The following SORCS1 variants were observed in gnomAD, a reference collection of about 807,000 sequenced individuals.
SORCS1 encodes VPS10 domain-containing receptor SorCS1.
A neutral mutation model predicts 146.1 loss-of-function variants in SORCS1; 60 were observed. That is an observed-to-expected ratio of 0.41 (90% CI 0.33 to 0.51). SORCS1 has a LOEUF of 0.51. Among genes scored for constraint, SORCS1 ranks in the 20% least tolerant of loss-of-function variants. The pLI is 0.21. For synonymous variants in SORCS1, 637 were observed against 584.0 expected (o/e 1.09, Z -1.31); for missense variants, 1,352 against 1,487.6 (o/e 0.91, Z 1.50).
chr10:106,760,876 G>A (rs1259234516), intron 5 of SORCS1, among the ~76,000 whole-genome samples: 1 of 152,140 alleles, frequency 6.6e-6, no homozygotes, highest in East Asian at 1.9e-4. Flanking sequence ...GGAAGCTGAG[G>A]TGGGTGGACC....
intron 23 of SORCS1, among the ~76,000 whole-genome samples, chr10:106,597,851 A>C (rs1845996852): frequency 6.6e-6 from 1 of 152,314 alleles, no homozygotes; most frequent in African/African-American, 2.4e-5. Context: ...TATTTCCCAA[A>C]CCATGTGATT....
rs11352487 is a variant in SORCS1, at chr10:106,892,895, CTT to C, written c.627-63224_627-63223del. ...AAAAAAAAGAGGCATTTGGAAAGCCCTTTTTTTTTTTTTTTTGAGATAGAGTT... is the reference window on the plus strand; with the variant it reads ...AAAAAAAAGAGGCATTTGGAAAGCCCTTTTTTTTTTTTTTGAGATAGAGTT... On this transcript the variant is annotated intron_variant, in intron 2 of 25. Transcript: ENST00000263054. Among the ~76,000 whole-genome samples, 329 of 137,150 alleles carry C rather than the reference CTT, an allele frequency of 2.4e-3. 2 individuals are homozygous for C. Among genetic ancestry groups the C allele is most frequent in the East Asian group, 0.015 (73 of 4,756 alleles). The allele number at this position is 137,150 out of a possible 152,430, so 90.0% of individuals were successfully genotyped here.
chr10:107,105,954 G>A (rs1965275678), intron 1 of SORCS1, among the ~76,000 whole-genome samples: 1 of 152,324 alleles, frequency 6.6e-6, no homozygotes, highest in African/African-American at 2.4e-5. Context: ...CACCACATGA[G>A]AAGGGTGCAA....
intron 1 of SORCS1, among the ~76,000 whole-genome samples, chr10:107,024,038 G>T: frequency 6.6e-6 from 1 of 152,104 alleles, no homozygotes; most frequent in Non-Finnish European, 1.5e-5. Flanking sequence ...GCCGGGCATG[G>T]TGGCGTATGC....
At chr10:106,867,288 T>A (rs975648850) in intron 2 of SORCS1, among the ~76,000 whole-genome samples, 7 of 128,404 alleles carry the variant, frequency 5.5e-5, no homozygotes, top group Non-Finnish European at 9.4e-5. Flanking sequence ...TTATATTAAA[T>A]TTTTTTTTTT....
At chr10:106,679,848 G>A (rs537048728) in intron 10 of SORCS1, 114 bp from the exon 11 acceptor site, 2 of 757,400 alleles carry the variant, frequency 2.6e-6, no homozygotes, top group South Asian at 3.3e-5. Context: ...ATACATCCAT[G>A]CACCACTCCA....
chr10:106,958,904 A>C (rs951090640), intron 1 of SORCS1, among the ~76,000 whole-genome samples: 43 of 152,208 alleles, frequency 2.8e-4, no homozygotes, highest in African/African-American at 8.4e-4. Flanking sequence ...ACCTCAGTAC[A>C]ATTTTGCCGA....
At chr10:106,800,504 T>C (rs1352556554) in intron 3 of SORCS1, among the ~76,000 whole-genome samples, 1 of 148,734 alleles carries the variant, frequency 6.7e-6, no homozygotes, top group Non-Finnish European at 1.5e-5. Context: ...ACATAGGTTC[T>C]AGGTGAATCT....
At chr10:106,804,073 A>G (rs1947044018) in intron 3 of SORCS1, among the ~76,000 whole-genome samples, 1 of 152,212 alleles carries the variant, frequency 6.6e-6, no homozygotes, top group Non-Finnish European at 1.5e-5. Context: ...AGAGGAAGTC[A>G]GTTGGGCAAG....
chr10:106,734,835 G>C (rs1486911489), intron 5 of SORCS1, among the ~76,000 whole-genome samples: 2 of 151,934 alleles, frequency 1.3e-5, no homozygotes, highest in Non-Finnish European at 2.9e-5. Context: ...AAATGGGTGG[G>C]GGAATATTAA....
At chr10:106,734,659 C>A (rs1856824253) in intron 5 of SORCS1, among the ~76,000 whole-genome samples, 1 of 152,184 alleles carries the variant, frequency 6.6e-6, no homozygotes, top group East Asian at 1.9e-4. Context: ...TAGTTAACAT[C>A]TCTGTGCCGT....
chr10:106,614,370 A>G (rs1847211081), intron 21 of SORCS1, among the ~76,000 whole-genome samples: 1 of 152,230 alleles, frequency 6.6e-6, no homozygotes, highest in South Asian at 2.1e-4. Context: ...TAACAATGCT[A>G]AGGAGTTATC....
chr10:106,680,372 GT>G (rs1243105048), intron 10 of SORCS1, among the ~76,000 whole-genome samples: 1 of 152,182 alleles, frequency 6.6e-6, no homozygotes, highest in Non-Finnish European at 1.5e-5. Context: ...GAAAAAGTAG[GT>G]TGGCATCTCT....
At chr10:106,742,239 G>C (rs1857415902) in intron 5 of SORCS1, among the ~76,000 whole-genome samples, 1 of 152,120 alleles carries the variant, frequency 6.6e-6, no homozygotes, top group Non-Finnish European at 1.5e-5. Context: ...GGACCAGAAG[G>C]TTTCAGATTT....
intron 1 of SORCS1, among the ~76,000 whole-genome samples, chr10:107,090,161 C>T (rs568635579): frequency 4.6e-5 from 7 of 152,320 alleles, no homozygotes; most frequent in African/African-American, 1.4e-4. Context: ...CACTCATTCA[C>T]GATTCCTTGT....
chr10:107,055,049 G>A (rs1347253720), intron 1 of SORCS1, among the ~76,000 whole-genome samples: 1 of 152,148 alleles, frequency 6.6e-6, no homozygotes, highest in African/African-American at 2.4e-5. Flanking sequence ...AGGACCAGGG[G>A]GAGCTGAAAT....
chr10:106,835,997 C>T (rs1948764015), intron 2 of SORCS1, among the ~76,000 whole-genome samples: 1 of 135,280 alleles, frequency 7.4e-6, no homozygotes, highest in Admixed American at 7.3e-5. Context: ...AGGAGCGAGA[C>T]TGCGTCTAAA....
At chr10:106,662,001 T>C (rs1005442173) in intron 17 of SORCS1, among the ~76,000 whole-genome samples, 2 of 152,228 alleles carry the variant, frequency 1.3e-5, no homozygotes, top group Admixed American at 6.5e-5. Flanking sequence ...CTGACGCCAC[T>C]GGACCAAGGA....
chr10:107,122,423 G>C (rs985040961), intron 1 of SORCS1, among the ~76,000 whole-genome samples: 12 of 152,120 alleles, frequency 7.9e-5, no homozygotes, highest in African/African-American at 2.7e-4. Flanking sequence ...TTGCCTCTCT[G>C]ATCACTTAAC....
Sources: allele counts gnomAD v4.1 joint callset (sites outside exome capture counted in the v4.1 genomes callset), GRCh38; gene constraint gnomAD v4.1.1; transcripts MANE v1.5; gene names NCBI Gene and HGNC (gene_info 2026-07-23, HGNC 2026-07-21).